EXD2: variants seen among roughly 807,000 people sequenced by gnomAD.
The protein encoded by EXD2 is exonuclease 3'-5' domain containing 2.
Under a neutral mutation model 62.5 loss-of-function variants are expected in EXD2, and 40 were observed. The observed-to-expected ratio is 0.64, with a 90% CI of 0.50 to 0.83. EXD2 has a LOEUF of 0.83. EXD2 is among the 40% of genes least tolerant of loss of function. The probability of loss-of-function intolerance (pLI) is 0.00; values close to 1 mark genes in which losing one functional copy is unlikely to be tolerated. For missense variants in EXD2, 671 were observed against 761.8 expected (o/e 0.88, Z 1.40); for synonymous variants, 239 against 291.9 (o/e 0.82, Z 1.85).
chr14:69,225,687 G>T (rs930582041), intron 3 of EXD2, among the ~76,000 whole-genome samples: 2 of 152,062 alleles, frequency 1.3e-5, no homozygotes, highest in African/African-American at 4.8e-5. Context: ...TAATAATGTT[G>T]ATAAGCCAAG....
At chr14:69,236,358 G>A (rs1468966348) in intron 7 of EXD2, 49 bp from the exon 8 acceptor site, 1 of 1,613,482 alleles carries the variant, frequency 6.2e-7, no homozygotes, top group East Asian at 2.2e-5. Flanking sequence ...CTTGGGTGTG[G>A]TGGTGGGGGC....
chr14:69,243,281 A>G lies in EXD2; in HGVS notation c.*2181A>G, dbSNP rs1033436793. 5.9e-5 allele frequency: 9 copies of G among 152,248 alleles called. No homozygotes were observed. Among genetic ancestry groups the G allele is most frequent in the African/African-American group, 9.6e-5 (4 of 41,472 alleles). 9.4% of individuals were successfully genotyped at this position (152,248 alleles called of 1,614,324 possible). On this transcript the variant is annotated 3_prime_UTR_variant, in exon 10 of 10. Coordinates refer to ENST00000685843, the MANE Select transcript of EXD2 (RefSeq NM_001193360.2). ...CTATTTTTCTGATATAAAAGTAACA[A>G]TGCTCATTACAGAAGAATCTAAACA...
intron 3 of EXD2, among the ~76,000 whole-genome samples, chr14:69,215,409 G>A (rs116803398): frequency 0.013 from 2,013 of 152,204 alleles, 41 homozygotes; most frequent in African/African-American, 0.047. Context: ...TCATTATTGG[G>A]CGTATGTGTC....
chr14:69,226,401 C>T (rs370604723), intron 3 of EXD2, among the ~76,000 whole-genome samples: 12 of 152,142 alleles, frequency 7.9e-5, no homozygotes, highest in African/African-American at 2.7e-4. Flanking sequence ...AAGAAGGAAG[C>T]GTAAGTCTTT....
intron 5 of EXD2, among the ~76,000 whole-genome samples, chr14:69,233,594 C>G (rs1282434951): frequency 6.6e-6 from 1 of 151,686 alleles, no homozygotes; most frequent in African/African-American, 2.4e-5. Flanking sequence ...CGCGTGCCAC[C>G]GCGCCCAGCT....
At position 69,243,051 on chromosome 14, in the gene EXD2, C is replaced by T. The variant is rs1371935219; in HGVS notation, c.*1951C>T. On this transcript the variant is annotated 3_prime_UTR_variant, in exon 10 of 10. Transcript: ENST00000685843. ...TTCCCATGGAGCTTTCTGTGAGGCG[C>T]AGTAAAATAGAGCCAGCAGCAAAGT... is the stretch of plus-strand genomic sequence containing the variant. The T allele has an allele frequency of 2.6e-5, 4 of 152,102 alleles. No homozygotes were observed. The highest frequency in any genetic ancestry group is 2.6e-4 in the Admixed American group (4 of 15,268). The allele number at this position is 152,102 out of a possible 1,614,324, so 9.4% of individuals were successfully genotyped here.
intron 1 of EXD2, among the ~76,000 whole-genome samples, chr14:69,194,228 T>C (rs1022761137): frequency 6.6e-6 from 1 of 151,612 alleles, no homozygotes; most frequent in Non-Finnish European, 1.5e-5. Context: ...AACCTCTGCC[T>C]CCCGAGTTCA....
intron 3 of EXD2, among the ~76,000 whole-genome samples, chr14:69,211,195 A>G (rs2042794341): frequency 6.6e-6 from 1 of 152,150 alleles, no homozygotes; most frequent in Admixed American, 6.5e-5. Context: ...CCATTGCTTT[A>G]TCAACTAAGT....
intron 9 of EXD2, 130 bp downstream of exon 9, chr14:69,238,061 T>A: frequency 5.3e-6 from 4 of 754,008 alleles, no homozygotes. Context: ...CTAGTAGGTG[T>A]CTAGTAGTTT....
At chr14:69,222,778 G>T (rs2043230158) in intron 3 of EXD2, among the ~76,000 whole-genome samples, 1 of 152,058 alleles carries the variant, frequency 6.6e-6, no homozygotes, top group Admixed American at 6.5e-5. Flanking sequence ...TAAACATAAG[G>T]CCTCTAGGGT....
chr14:69,235,769 G>A lies in EXD2; in HGVS notation c.1050-277G>A, dbSNP rs1467797809. On this transcript the variant is annotated intron_variant, in intron 6 of 9. Transcript: ENST00000685843. The stretch of plus-strand genomic sequence containing the variant: ...TGCTTGGTTCTTTTTTGCATTCACA[G>A]CAGAGCTGTGTGTAAACCACTTGAC... 2.7e-5 allele frequency: 12 copies of A among 442,468 alleles called. No homozygotes were observed. The Admixed American group carries it at 4.3e-4, about 16-fold the overall frequency. The allele number at this position is 442,468 out of a possible 1,614,324, so 27.4% of individuals were successfully genotyped here.
intron 3 of EXD2, among the ~76,000 whole-genome samples, chr14:69,218,499 G>C (rs1253633652): frequency 6.6e-6 from 1 of 152,134 alleles, no homozygotes; most frequent in Admixed American, 6.5e-5. Flanking sequence ...TCTGATGGTA[G>C]TTTCTTTTGC....
rs190707674 is a variant in EXD2 at position 69,198,300 on chromosome 14, A to G, written c.-131-5617A>G. Among the ~76,000 whole-genome samples the G allele has an allele frequency of 2.4e-3, 365 of 152,260 alleles. 1 individual carries two copies. The highest frequency in any genetic ancestry group is 4.3e-3 in the Non-Finnish European group (291 of 68,004). ...TTGTTTTTCCAGGTGGTTGTGATGC[A>G]GTCATTCTGTTCAGGAGCTGTGGTT... On this transcript the variant is annotated intron_variant, in intron 1 of 9. Transcript: ENST00000685843.
chr14:69,194,754 A>C (rs1464009525), intron 1 of EXD2, among the ~76,000 whole-genome samples: 1 of 152,190 alleles, frequency 6.6e-6, no homozygotes. Flanking sequence ...ATTAAACTAT[A>C]TGTTATATGT....
chr14:69,213,084 C>CTT lies in EXD2; in HGVS notation c.333+3296_333+3297dup, dbSNP rs71102636. On this transcript the variant is annotated intron_variant, in intron 3 of 9. Coordinates refer to ENST00000685843, the MANE Select transcript of EXD2 (RefSeq NM_001193360.2). ...TACCTTCCTGTATTCTTCTTCTTTT[C>CTT]TTTTTTTTTTTTTTTTGTAGATGGG... Among the ~76,000 whole-genome samples the CTT allele has an allele frequency of 3.5e-3, 438 of 126,582 alleles. 8 individuals are homozygous for CTT. Among genetic ancestry groups the CTT allele is most frequent in the East Asian group, 6.5e-3 (28 of 4,316 alleles). The allele number at this position is 126,582 out of a possible 152,430, so 83.0% of individuals were successfully genotyped here. A position where few individuals can be genotyped will look rare whatever the true frequency, so the allele number is the denominator to read the frequency against.
intron 3 of EXD2, among the ~76,000 whole-genome samples, chr14:69,212,144 G>T (rs2042826019): frequency 6.6e-6 from 1 of 152,148 alleles, no homozygotes; most frequent in Non-Finnish European, 1.5e-5. Flanking sequence ...GGGAGGCCGA[G>T]GCGGGCAGAT....
In EXD2 at chr14:69,236,078, A is replaced by G. The variant is rs1359378033; in HGVS notation, c.1082A>G (p.His361Arg). 1.9e-6 allele frequency: 3 copies of G among 1,613,998 alleles called. No individual in the cohort carries two copies. Among genetic ancestry groups the G allele is most frequent in the African/African-American group, 1.3e-5 (1 of 74,912 alleles). ...CCTCTTTATGATAACTGCTTTCTCC[A>G]TGCTCCTGATGGACAGCCCCTCTGC... The part of the protein sequence containing the change: ...KSPLYDNCFL[H>R]APDGQPLCTC... The change falls in exon 7 of 10, where the codon CAT (histidine) becomes CGT (arginine). Residue 361 changes from histidine to arginine, a missense_variant. Transcript: ENST00000685843.
Position 69,241,001 on chromosome 14 carries a change from C to CA in EXD2, c.1768dup (p.Met590AsnfsTer58), listed in dbSNP as rs2043966554. ...GCTGGCGTCAGCACTTCCTGGACTC[C>CA]ATGCAGCCCAAGCACCTGCCCCAGC... On this transcript the variant is annotated frameshift_variant, in exon 10 of 10. Transcript: ENST00000685843. LOFTEE classifies it high-confidence loss of function. The CA allele has an allele frequency of 6.8e-6, 11 of 1,613,204 alleles. No individual in the cohort carries two copies. The highest frequency in any genetic ancestry group is 8.5e-6 in the Non-Finnish European group (10 of 1,180,040).
At chr14:69,203,149 C>G (rs925077012) in intron 1 of EXD2, among the ~76,000 whole-genome samples, 4 of 151,988 alleles carry the variant, frequency 2.6e-5, no homozygotes, top group African/African-American at 9.7e-5. Context: ...GTCTTGACTT[C>G]CCAGGCTCAG....
Sources: gnomAD v4.1 joint callset for allele counts (sites outside exome capture counted in the v4.1 genomes callset) on GRCh38, gnomAD v4.1.1 for gene constraint, MANE v1.5 for transcripts, NCBI Gene and HGNC (gene_info 2026-07-23, HGNC 2026-07-21) for gene names.